The following TVP23C variants were observed in gnomAD, a reference collection of about 807,000 sequenced individuals.
TVP23C encodes Golgi apparatus membrane protein TVP23 homolog C.
Under a neutral mutation model 28.7 loss-of-function variants are expected in TVP23C, and 19 were observed. That is an observed-to-expected ratio of 0.66 (90% CI 0.46 to 0.97). TVP23C has a LOEUF of 0.97. TVP23C is among the 50% of genes least tolerant of loss of function. The pLI, the probability that TVP23C is intolerant of heterozygous loss-of-function variation, is 0.00. For missense variants in TVP23C, 186 were observed against 241.3 expected, an observed-to-expected ratio of 0.77 and a Z score of 1.52; for synonymous variants, 68 against 81.7, an observed-to-expected ratio of 0.83 and a Z score of 0.90.
chr17:15,515,300 C>T (rs1982176974), intron 5 of TVP23C, among the ~76,000 whole-genome samples: 1 of 152,198 alleles, frequency 6.6e-6, no homozygotes, highest in South Asian at 2.1e-4. Flanking sequence ...TGATGCTCCC[C>T]CAACTCAACT....
downstream of TVP23C, among the ~76,000 whole-genome samples, chr17:15,532,113 C>G (rs1982972732): frequency 6.6e-6 from 1 of 152,172 alleles, no homozygotes; most frequent in Non-Finnish European, 1.5e-5. Flanking sequence ...GACTTTCTAG[C>G]TCCCAAGAAT....
At chr17:15,559,295 C>T (rs1313694729) in intron 1 of TVP23C, among the ~76,000 whole-genome samples, 22 of 127,764 alleles carry the variant, frequency 1.7e-4, no homozygotes, top group African/African-American at 6.2e-4. Flanking sequence ...CCAGGTACTG[C>T]TGTAAGTGGT....
intron 5 of TVP23C, among the ~76,000 whole-genome samples, chr17:15,542,178 C>G (rs1403815514): frequency 6.6e-6 from 1 of 152,182 alleles, no homozygotes; most frequent in African/African-American, 2.4e-5. Context: ...TAATTACCAT[C>G]CCCAGGAACT....
rs200768112 is a variant in TVP23C, at chr17:15,540,420, A to G, written c.604T>C (p.Trp202Arg). 0.34 allele frequency: 536,420 copies of G among 1,589,486 alleles called. 93,417 individuals carry two copies. The highest frequency in any genetic ancestry group is 0.57 in the East Asian group (25,387 of 44,280). ...ATTGCATTAGTCACTGATCACATCC[A>G]GAAAACACTTACTTGTCTTAAAAAC... ...KQFLRQVSVF[W>R]M Residue 202 changes from tryptophan to arginine, a missense_variant, in exon 6 of 6, where the codon TGG becomes CGG. Trp to Arg is a moderately radical substitution (Grantham distance 101). Transcript: ENST00000518321.
Position 15,563,224 on chromosome 17 carries a change from T to C in TVP23C, c.12+213A>G, listed in dbSNP as rs538227429. On this transcript the variant is annotated intron_variant, in intron 1 of 5. Transcript: ENST00000518321. Reference sequence around the variant, plus strand: ...GCGTCCCCACAGCCGCAAGAAGTACTTGCTCTGCGCCGCACGGGTCACGCC... The same window carrying C: ...GCGTCCCCACAGCCGCAAGAAGTACCTGCTCTGCGCCGCACGGGTCACGCC... The C allele has an allele frequency of 1.5e-4, 127 of 834,582 alleles. 1 individual carries two copies. The Admixed American group carries it at 2.1e-3, about 14-fold the overall frequency. 51.7% of individuals were successfully genotyped at this position (834,582 alleles called of 1,614,324 possible). A position where few individuals can be genotyped will look rare whatever the true frequency, so the allele number is the denominator to read the frequency against.
chr17:15,557,350 G>A (rs1984180627), intron 1 of TVP23C, among the ~76,000 whole-genome samples: 1 of 143,754 alleles, frequency 7.0e-6, no homozygotes, highest in Admixed American at 7.1e-5. Flanking sequence ...GAGTACAGTG[G>A]TATGGTCTCA....
At chr17:15,511,279 G>A (rs1431424503) in intron 5 of TVP23C, among the ~76,000 whole-genome samples, 1 of 152,120 alleles carries the variant, frequency 6.6e-6, no homozygotes, top group African/African-American at 2.4e-5. Flanking sequence ...AGGTTATTAT[G>A]AGCAAACAAT....
Position 15,539,237 on chromosome 17 carries a change from T to A in TVP23C, c.*1175A>T. 1 of 984,610 alleles carries A rather than the reference T, an allele frequency of 1.0e-6. No homozygotes were observed. Among genetic ancestry groups the A allele is most frequent in the Non-Finnish European group, 1.2e-6 (1 of 829,312 alleles). The allele number at this position is 984,610 out of a possible 1,614,324, so 61.0% of individuals were successfully genotyped here. A position where few individuals can be genotyped will look rare whatever the true frequency, so the allele number is the denominator to read the frequency against. On this transcript the variant is annotated 3_prime_UTR_variant, in exon 6 of 6. Transcript: ENST00000518321. ...TAGGTGATTCTCATGTATGTTCGAG[T>A]TTAAGAATCCCTGTCCTACATAATA... is the stretch of plus-strand genomic sequence containing the variant.
At chr17:15,513,251 T>C (rs1377459028) in intron 5 of TVP23C, among the ~76,000 whole-genome samples, 1 of 152,186 alleles carries the variant, frequency 6.6e-6, no homozygotes, top group Non-Finnish European at 1.5e-5. Flanking sequence ...TTGTGGAGTT[T>C]AAAAACATGC....
intron 1 of TVP23C, among the ~76,000 whole-genome samples, chr17:15,561,630 G>GAATAAATAAATAAATA (rs374284414): frequency 8.4e-5 from 11 of 131,676 alleles, no homozygotes; most frequent in African/African-American, 2.6e-4. Context: ...ATGAATGAAT[G>GAATAAATAAATAAATA]AATAAATAAA....
intron 5 of TVP23C, among the ~76,000 whole-genome samples, chr17:15,512,379 A>G (rs1453102775): frequency 6.6e-6 from 1 of 152,226 alleles, no homozygotes; most frequent in Admixed American, 6.5e-5. Flanking sequence ...TGGCAAGACC[A>G]GGCTCTAACT....
chr17:15,534,331 GAAC>G (rs1335720075), downstream of TVP23C, among the ~76,000 whole-genome samples: 2 of 152,198 alleles, frequency 1.3e-5, no homozygotes, highest in African/African-American at 4.8e-5. Flanking sequence ...GAGAAATGTA[GAAC>G]AAATGGAACG....
intron 5 of TVP23C, among the ~76,000 whole-genome samples, chr17:15,517,560 A>G (rs1982282884): frequency 6.6e-6 from 1 of 152,174 alleles, no homozygotes. Context: ...TGAGCATTAA[A>G]TGAGTTAATA....
At chr17:15,540,657 G>A in intron 5 of TVP23C, 96 bp from the exon 6 acceptor site, 1 of 654,406 alleles carries the variant, frequency 1.5e-6, no homozygotes, top group Non-Finnish European at 2.7e-6. Context: ...ATGAGAAAGA[G>A]AAGGAAGAGG....
At chr17:15,563,266 G>A in intron 1 of TVP23C, 171 bp downstream of exon 1, 2 of 1,303,742 alleles carry the variant, frequency 1.5e-6, no homozygotes, top group East Asian at 5.2e-5. Context: ...AGCGGCCTCA[G>A]AACCCCCAGC....
At chr17:15,516,302 C>T (rs1429290269) in intron 5 of TVP23C, 1 of 152,346 alleles carries the variant, frequency 6.6e-6, no homozygotes, top group African/African-American at 2.4e-5. Flanking sequence ...ATCTAAGGGA[C>T]TTGGTAACGG....
At position 15,538,033 on chromosome 17, in the gene TVP23C, C is replaced by T. The variant is rs535557979; in HGVS notation, c.*2379G>A. The T allele has an allele frequency of 3.2e-6, 5 of 1,541,836 alleles. No homozygotes were observed. In the African/African-American group the frequency reaches 5.6e-5, roughly 17 times the overall value. ...TTTAAGTGGAAAAACAAAGCCAACA[C>T]TCCTCGTTGCAACATGGACTAAGCT... On this transcript the variant is annotated 3_prime_UTR_variant, in exon 6 of 6. Coordinates refer to ENST00000518321, the MANE Select transcript of TVP23C (RefSeq NM_001135036.2).
chr17:15,532,304 G>A (rs1421759505), downstream of TVP23C, among the ~76,000 whole-genome samples: 1 of 152,198 alleles, frequency 6.6e-6, no homozygotes, highest in Non-Finnish European at 1.5e-5. Context: ...GACCTGAGTT[G>A]GGTTAAATGA....
intron 5 of TVP23C, among the ~76,000 whole-genome samples, chr17:15,505,305 G>A (rs1273146578): frequency 1.3e-5 from 2 of 152,144 alleles, no homozygotes; most frequent in African/African-American, 4.8e-5. Context: ...GCCTGTGGGT[G>A]GGCTGGGAGT....
Sources: allele counts gnomAD v4.1 joint callset (sites outside exome capture counted in the v4.1 genomes callset), GRCh38; gene constraint gnomAD v4.1.1; transcripts MANE v1.5; gene names NCBI Gene and HGNC (gene_info 2026-07-23, HGNC 2026-07-21).